Variants in TTC31 observed in about 807,000 individuals in gnomAD.
TTC31 encodes tetratricopeptide repeat domain 31, also known as tetratricopeptide repeat protein 31.
A neutral mutation model predicts 60.4 loss-of-function variants in TTC31; 59 were observed. The observed-to-expected ratio is 0.98, with a 90% CI of 0.79 to 1.21. The LOEUF (loss-of-function observed/expected upper bound fraction) is 1.21. Ranked by LOEUF, TTC31 falls within the 50% of genes most tolerant of loss-of-function variation. The pLI is 0.00. For synonymous variants in TTC31, 225 were observed against 249.6 expected, an observed-to-expected ratio of 0.90 and a Z score of 0.93; for missense variants, 672 against 646.9, an observed-to-expected ratio of 1.04 and a Z score of -0.42.
chr2:74,489,996 G>GCCTCCCCTCC (rs556220095), intron 2 of TTC31, 29 bp from the exon 3 acceptor site: 6 of 1,458,658 alleles, frequency 4.1e-6, no homozygotes, highest in Non-Finnish European at 5.6e-6. Flanking sequence ...CCCAACACCA[G>GCCTCCCCTCC]CCTCCCCTCC....
chr2:74,492,448 A>T lies in TTC31; in HGVS notation c.1161+3A>T. 1.3e-6 allele frequency: 2 copies of T among 1,522,600 alleles called. No homozygotes were observed. Among genetic ancestry groups the T allele is most frequent in the South Asian group, 2.6e-5 (2 of 75,522 alleles). The allele number at this position is 1,522,600 out of a possible 1,614,324, so 94.3% of individuals were successfully genotyped here. ...GCAAGGCCTTGATGGGACTACAGGT[A>T]ATAGGTCTGGGGCTGGAAACAGGAG... On this transcript the variant is annotated splice_donor_region_variant and intron_variant, in intron 11 of 12. Coordinates refer to ENST00000233623, the MANE Select transcript of TTC31 (RefSeq NM_022492.6).
Position 74,483,401 on chromosome 2 carries a change from C to A in TTC31, c.120C>A (p.Tyr40Ter), listed in dbSNP as rs778956839. 6.2e-7 allele frequency: 1 copy of A among 1,614,086 alleles called. No homozygotes were observed. The highest frequency in any genetic ancestry group is 1.1e-5 in the South Asian group (1 of 91,084). The part of the protein sequence containing the change: ...KLCKEFGPED[Y>*]GEEDIVDFLR... ...GCAAGGAATTCGGTCCAGAGGATTACGGCGAAGAGGTAAAAGCGACCCTCA... is the reference window on the plus strand; with the variant it reads ...GCAAGGAATTCGGTCCAGAGGATTAAGGCGAAGAGGTAAAAGCGACCCTCA... The change falls in exon 2 of 13, where the codon TAC becomes TAA. Residue 40 changes from tyrosine to a stop codon, truncating the protein, a stop_gained. Coordinates refer to ENST00000233623, the MANE Select transcript of TTC31 (RefSeq NM_022492.6). LOFTEE classifies it high-confidence loss of function.
chr2:74,490,326 C>T lies in TTC31; in HGVS notation c.315C>T (p.Thr105=). The change falls in exon 4 of 13, where the codon ACC becomes ACT. Residue 105 remains threonine (T), a synonymous_variant. Transcript: ENST00000233623. ...GCAAGGGGGCTGAGGGACTGGGCAC[C>T]TACTGTGGTCTCCGCAAGTCCTTCC... ...DRGKGAEGLG[T]YCGLRKSFLY... The T allele has an allele frequency of 6.2e-7, 1 of 1,614,072 alleles. No individual in the cohort carries two copies. The highest frequency in any genetic ancestry group is 8.5e-7 in the Non-Finnish European group (1 of 1,179,990).
chr2:74,492,068 C>G lies in TTC31; in HGVS notation c.928+13C>G. On this transcript the variant is annotated intron_variant, in intron 9 of 12. Transcript: ENST00000233623. Reference sequence around the variant, plus strand: ...CAGGAACTGGCAAGTGAGATCCTTTCTCTCTCCGTCCTCACCCCACCCTCC... The same window carrying G: ...CAGGAACTGGCAAGTGAGATCCTTTGTCTCTCCGTCCTCACCCCACCCTCC... 6.2e-7 allele frequency: 1 copy of G among 1,614,188 alleles called. No homozygotes were observed. The highest frequency in any genetic ancestry group is 8.5e-7 in the Non-Finnish European group (1 of 1,179,996).
At chr2:74,489,886 G>C (rs1673608489) in intron 2 of TTC31, 139 bp from the exon 3 acceptor site, 1 of 658,310 alleles carries the variant, frequency 1.5e-6, no homozygotes, top group Non-Finnish European at 2.7e-6. Context: ...AGGAGGGAGA[G>C]GTCAGAGCCA....
In TTC31 at chr2:74,493,052, C is replaced by G. The variant is rs1278664807; in HGVS notation, c.1394C>G (p.Pro465Arg). 1 of 1,614,152 alleles carries G rather than the reference C, an allele frequency of 6.2e-7. No homozygotes were observed. The highest frequency in any genetic ancestry group is 1.1e-5 in the South Asian group (1 of 91,086). ...RCPRSTALRS[P>R]GLSPLLHYPS... The stretch of plus-strand genomic sequence containing the variant: ...CCTCGAAGCACTGCTTTGAGGTCCC[C>G]TGGCCTGTCTCCACTCTTGCATTAT... The change falls in exon 13 of 13, where the codon CCT becomes CGT. Residue 465 changes from proline to arginine, a missense_variant. Pro to Arg is a moderately radical substitution (Grantham distance 103). Coordinates refer to ENST00000233623, the MANE Select transcript of TTC31 (RefSeq NM_022492.6).
chr2:74,493,103 A>T lies in TTC31; in HGVS notation c.1445A>T (p.Asn482Ile). 6.2e-7 allele frequency: 1 copy of T among 1,613,794 alleles called. No homozygotes were observed. The highest frequency in any genetic ancestry group is 8.5e-7 in the Non-Finnish European group (1 of 1,179,910). ...CCTTCATGTCACCGAAGCCACCCCA[A>T]CCAGCCCCTCTCCCAGACTCAGAGT... ...HYPSCHRSHPNQPLSQTQSRR... is the reference protein window; with the variant it reads ...HYPSCHRSHPIQPLSQTQSRR... The change falls in exon 13 of 13, where the codon AAC becomes ATC. Residue 482 changes from asparagine to isoleucine, a missense_variant. Transcript: ENST00000233623.
rs772179494 is a variant in TTC31 at position 74,493,240 on chromosome 2, G to A, written c.*22G>A. On this transcript the variant is annotated 3_prime_UTR_variant, in exon 13 of 13. Coordinates refer to ENST00000233623, the MANE Select transcript of TTC31 (RefSeq NM_022492.6). ...ATGAGGGGGCACCGGTCCCTCATAG[G>A]GCAGGGCCATGTATATATCCCTTGG... 6 of 1,612,526 alleles carry A rather than the reference G, an allele frequency of 3.7e-6. No individual in the cohort carries two copies. Among genetic ancestry groups the A allele is most frequent in the South Asian group, 1.1e-5 (1 of 91,034 alleles).
Position 74,491,319 on chromosome 2 carries a change from G to A in TTC31, c.628G>A (p.Glu210Lys), listed in dbSNP as rs376831449. 3 of 1,614,084 alleles carry A rather than the reference G, an allele frequency of 1.9e-6. No individual in the cohort carries two copies. The highest frequency in any genetic ancestry group is 2.7e-5 in the African/African-American group (2 of 74,934). Reference protein sequence around the residue: ...PKASTTSDGDESPPSSPGNPV... With the variant: ...PKASTTSDGDKSPPSSPGNPV... ...GGCCAGCACTACCTCAGATGGAGAT[G>A]AGAGCCCCCCATCCAGCCCTGGAAA... Residue 210 changes from glutamate (E) to lysine (K), a missense_variant, in exon 7 of 13, where the codon GAG (glutamate) becomes AAG (lysine). By Grantham distance (56) the Glu-to-Lys change is moderately conservative (BLOSUM62 1). Coordinates refer to ENST00000233623, the MANE Select transcript of TTC31 (RefSeq NM_022492.6).
chr2:74,483,868 C>T (rs546544843), intron 2 of TTC31, among the ~76,000 whole-genome samples: 1 of 150,552 alleles, frequency 6.6e-6, no homozygotes, highest in Non-Finnish European at 1.5e-5. Flanking sequence ...CTCTTGAGCG[C>T]GGGAGGTCAA....
At chr2:74,488,316 A>G (rs991140357) in intron 2 of TTC31, among the ~76,000 whole-genome samples, 2 of 152,238 alleles carry the variant, frequency 1.3e-5, no homozygotes, top group African/African-American at 2.4e-5. Context: ...TACCTTAGTC[A>G]TCTGAAGTCC....
chr2:74,483,566 A>G lies in TTC31; in HGVS notation c.129+156A>G, dbSNP rs763452342. Reference sequence around the variant, plus strand: ...GGCCATGCCCTTGAGGATCTTAGGCAAGTGAGGGGCAGGGGATCAGGAGGA... The same window carrying G: ...GGCCATGCCCTTGAGGATCTTAGGCGAGTGAGGGGCAGGGGATCAGGAGGA... On this transcript the variant is annotated intron_variant, in intron 2 of 12. Coordinates refer to ENST00000233623, the MANE Select transcript of TTC31 (RefSeq NM_022492.6). 25 of 1,503,418 alleles carry G rather than the reference A, an allele frequency of 1.7e-5. No homozygotes were observed. The African/African-American group carries it at 3.5e-4, about 21-fold the overall frequency. The allele number at this position is 1,503,418 out of a possible 1,614,324, so 93.1% of individuals were successfully genotyped here.
In TTC31 at chr2:74,490,695, G is replaced by A. The variant is rs967901566; in HGVS notation, c.502G>A (p.Glu168Lys). Residue 168 changes from glutamate (E) to lysine (K), a missense_variant, in exon 5 of 13, where the codon GAG becomes AAG. Coordinates refer to ENST00000233623, the MANE Select transcript of TTC31 (RefSeq NM_022492.6). ...GGCTGAGGAGCTGGTGGCTGAGGAG[G>A]AGCGCATGAAACAGAAAGCAGAGAA... Reference protein sequence around the residue: ...RLAEELVAEEERMKQKAEKKR... With the variant: ...RLAEELVAEEKRMKQKAEKKR... 8.1e-6 allele frequency: 13 copies of A among 1,613,636 alleles called. No individual in the cohort carries two copies. The highest frequency in any genetic ancestry group is 1.0e-5 in the Non-Finnish European group (12 of 1,179,846).
chr2:74,485,691 C>G (rs180793995), intron 2 of TTC31, among the ~76,000 whole-genome samples: 5 of 151,830 alleles, frequency 3.3e-5, no homozygotes, highest in African/African-American at 9.7e-5. Context: ...AGGCTGGTCT[C>G]GATCTCCTGA....
intron 2 of TTC31, among the ~76,000 whole-genome samples, chr2:74,486,722 G>C (rs891747587): frequency 6.6e-6 from 1 of 152,020 alleles, no homozygotes; most frequent in Non-Finnish European, 1.5e-5. Flanking sequence ...AAGAAACCCC[G>C]TTTCTACTAA....
At chr2:74,489,869 G>A (rs146973463) in intron 2 of TTC31, among the ~76,000 whole-genome samples, 156 bp from the exon 3 acceptor site, 37 of 152,256 alleles carry the variant, frequency 2.4e-4, no homozygotes, top group African/African-American at 8.2e-4. Context: ...CAGATTTTGC[G>A]GTGCTGAGGA....
rs752256076 is a variant in TTC31, at chr2:74,493,291, C to G, written c.*73C>G. On this transcript the variant is annotated 3_prime_UTR_variant, in exon 13 of 13. Transcript: ENST00000233623. The stretch of plus-strand genomic sequence containing the variant: ...TGGGGGACATAGTGTGGTGACAGTT[C>G]ACTGCATATTTTGAGACCTTATTCT... 1.0e-5 allele frequency: 15 copies of G among 1,467,786 alleles called. No individual in the cohort carries two copies. The South Asian group carries it at 1.6e-4, about 15-fold the overall frequency. The allele number at this position is 1,467,786 out of a possible 1,614,324, so 90.9% of individuals were successfully genotyped here.
Position 74,490,087 on chromosome 2 carries a change from T to C in TTC31, c.192T>C (p.His64=), listed in dbSNP as rs1285388276. ...ESDPQGLHRI[H]VDGSSGRLQL... is the part of the protein sequence containing the mutation. ...ATCCCCAGGGCCTGCACCGGATCCATGTGGATGGGAGCAGCGGGCGGCTGC... is the reference window on the plus strand; with the variant it reads ...ATCCCCAGGGCCTGCACCGGATCCACGTGGATGGGAGCAGCGGGCGGCTGC... The change falls in exon 3 of 13, where the codon CAT becomes CAC. Residue 64 remains histidine (H), a synonymous_variant. Transcript: ENST00000233623. 9 of 1,573,940 alleles carry C rather than the reference T, an allele frequency of 5.7e-6. No individual in the cohort carries two copies. The Admixed American group carries it at 9.1e-5, about 16-fold the overall frequency.
In TTC31 at chr2:74,490,236, C is replaced by T. The variant is rs1463694683; in HGVS notation, c.233-8C>T. On this transcript the variant is annotated splice_region_variant and splice_polypyrimidine_tract_variant and intron_variant, in intron 3 of 12. Coordinates refer to ENST00000233623, the MANE Select transcript of TTC31 (RefSeq NM_022492.6). Reference sequence around the variant, plus strand: ...CTTTCTTTCCTGTCTCTTTCTCCCTCCTGACAGATTACCTCCTGGGCCACT... The same window carrying T: ...CTTTCTTTCCTGTCTCTTTCTCCCTTCTGACAGATTACCTCCTGGGCCACT... 2 of 1,613,344 alleles carry T rather than the reference C, an allele frequency of 1.2e-6. No homozygotes were observed. Among genetic ancestry groups the T allele is most frequent in the East Asian group, 4.5e-5 (2 of 44,856 alleles).
Sources: gnomAD v4.1 joint callset for allele counts (sites outside exome capture counted in the v4.1 genomes callset) on GRCh38, gnomAD v4.1.1 for gene constraint, MANE v1.5 for transcripts, NCBI Gene and HGNC (gene_info 2026-07-23, HGNC 2026-07-21) for gene names.